The following ESRRB variants were observed in gnomAD, a reference collection of about 807,000 sequenced individuals.
ESRRB encodes steroid hormone receptor ERR2.
ESRRB carries 16 observed loss-of-function variants against 46.0 expected under a neutral mutation model. The observed-to-expected ratio is 0.35, with a 90% CI of 0.24 to 0.53. The LOEUF (loss-of-function observed/expected upper bound fraction) is 0.53, where lower values mean the gene tolerates loss of function less well. Among genes scored for constraint, ESRRB ranks in the 20% least tolerant of loss-of-function variants. The pLI, the probability that ESRRB is intolerant of heterozygous loss-of-function variation, is 0.93. For synonymous variants in ESRRB, 246 were observed against 259.6 expected (o/e 0.95, Z 0.50); for missense variants, 488 against 607.4 (o/e 0.80, Z 2.07).
intron 1 of ESRRB, among the ~76,000 whole-genome samples, chr14:76,355,935 C>G (rs1271031373): frequency 6.6e-6 from 1 of 152,228 alleles, no homozygotes; most frequent in Non-Finnish European, 1.5e-5. Context: ...TCAGATGACC[C>G]TCTTCCGCAA....
At chr14:76,456,609 G>A (rs539853569) in intron 2 of ESRRB, among the ~76,000 whole-genome samples, 3 of 152,266 alleles carry the variant, frequency 2.0e-5, no homozygotes, top group Non-Finnish European at 2.9e-5. Flanking sequence ...GTGGCTAGTC[G>A]TCCCTTTGAT....
At chr14:76,406,280 A>C (rs1886180796) in intron 1 of ESRRB, among the ~76,000 whole-genome samples, 1 of 151,938 alleles carries the variant, frequency 6.6e-6, no homozygotes, top group African/African-American at 2.4e-5. Context: ...AGGGTCTCTG[A>C]GGGTGGGAGG....
intron 3 of ESRRB, among the ~76,000 whole-genome samples, chr14:76,463,669 G>A (rs1200649798): frequency 1.3e-5 from 2 of 151,676 alleles, no homozygotes; most frequent in Non-Finnish European, 1.5e-5. Flanking sequence ...GGATGGTCTC[G>A]ATTTCCTGAC....
At chr14:76,401,829 T>C (rs1885958870) in intron 1 of ESRRB, among the ~76,000 whole-genome samples, 1 of 152,206 alleles carries the variant, frequency 6.6e-6, no homozygotes, top group African/African-American at 2.4e-5. Flanking sequence ...ACTGTGTGTG[T>C]ATATATCCTT....
intron 3 of ESRRB, among the ~76,000 whole-genome samples, chr14:76,469,928 TG>T (rs377575781): frequency 0.088 from 11,336 of 129,502 alleles, 1,079 homozygotes; most frequent in Middle Eastern, 0.14. Context: ...TGTTTTTTGT[TG>T]TTTTTTTTTT....
At chr14:76,469,514 C>T (rs1460382090) in intron 3 of ESRRB, among the ~76,000 whole-genome samples, 2 of 152,062 alleles carry the variant, frequency 1.3e-5, no homozygotes, top group African/African-American at 4.8e-5. Flanking sequence ...ATTATGAAGA[C>T]AAAATTAAAT....
At position 76,483,520 on chromosome 14, in the gene ESRRB, C is replaced by T. The variant is rs76797893; in HGVS notation, c.850+761C>T. On this transcript the variant is annotated intron_variant, in intron 5 of 6. Coordinates refer to ENST00000644823, the MANE Select transcript of ESRRB (RefSeq NM_001379180.1). ...TGGACTTCTCTTCGCTGTGTGTGGA[C>T]CCAAACCCTGCTTTCACCCTCTCTA... 7.4e-3 allele frequency among the ~76,000 whole-genome samples: 1,134 copies of T among 152,260 alleles called. 9 individuals carry two copies. The highest frequency in any genetic ancestry group is 0.026 in the African/African-American group (1,082 of 41,538).
At chr14:76,493,368 T>C (rs552875080) in intron 6 of ESRRB, among the ~76,000 whole-genome samples, 170 of 152,250 alleles carry the variant, frequency 1.1e-3, no homozygotes, top group Middle Eastern at 3.4e-3. Flanking sequence ...TTGCCCAGGC[T>C]GGTCTCAAAC....
intron 1 of ESRRB, among the ~76,000 whole-genome samples, chr14:76,358,509 G>A (rs966913133): frequency 6.6e-6 from 1 of 151,626 alleles, no homozygotes; most frequent in Non-Finnish European, 1.5e-5. Context: ...TTTTCTCATC[G>A]GCGTGCTGGG....
chr14:76,462,596 G>A lies in ESRRB; in HGVS notation c.512G>A (p.Arg171Gln), dbSNP rs759494353. 5.0e-6 allele frequency: 8 copies of A among 1,614,006 alleles called. No individual in the cohort carries two copies. The Admixed American group carries it at 5.0e-5, about 10-fold the overall frequency. ...PATNECEITK[R>Q]RRKSCQACRF... ...ACCAACGAGTGCGAGATCACCAAAC[G>A]GAGGCGCAAGTCCTGCCAGGCCTGC... Residue 171 changes from arginine to glutamine, a missense_variant, in exon 3 of 7, where the codon CGG becomes CAG. Transcript: ENST00000644823.
At chr14:76,340,508 C>T (rs533773648) in intron 1 of ESRRB, among the ~76,000 whole-genome samples, 13 of 152,278 alleles carry the variant, frequency 8.5e-5, no homozygotes, top group Non-Finnish European at 1.6e-4. Context: ...TCTCTGGGCT[C>T]GGTTGACTTC....
intron 2 of ESRRB, among the ~76,000 whole-genome samples, chr14:76,459,714 C>T (rs530225300): frequency 6.6e-6 from 1 of 152,252 alleles, no homozygotes; most frequent in South Asian, 2.1e-4. Flanking sequence ...CCCCAAGAAA[C>T]CACCCAAGCC....
intron 1 of ESRRB, among the ~76,000 whole-genome samples, chr14:76,318,905 A>G (rs1000153517): frequency 1.3e-5 from 2 of 152,166 alleles, no homozygotes; most frequent in Non-Finnish European, 2.9e-5. Flanking sequence ...CAATACCCCT[A>G]ATGTGCACAT....
chr14:76,365,538 G>C (rs543743595), intron 1 of ESRRB, among the ~76,000 whole-genome samples: 2 of 152,150 alleles, frequency 1.3e-5, no homozygotes, highest in Non-Finnish European at 2.9e-5. Context: ...TTGAACGCAG[G>C]GGTATGTAGT....
intron 2 of ESRRB, among the ~76,000 whole-genome samples, chr14:76,445,535 G>T (rs549206629): frequency 6.6e-6 from 1 of 151,506 alleles, no homozygotes; most frequent in South Asian, 2.1e-4. Flanking sequence ...TGTTAATCGT[G>T]TTACCTCACA....
chr14:76,371,745 C>T (rs779882252), upstream of ESRRB, among the ~76,000 whole-genome samples: 11 of 152,190 alleles, frequency 7.2e-5, no homozygotes, highest in Non-Finnish European at 1.0e-4. Flanking sequence ...GGCAGATTCT[C>T]CAAAAATGCC....
chr14:76,410,710 G>A (rs1055557532), intron 1 of ESRRB, among the ~76,000 whole-genome samples: 3 of 152,110 alleles, frequency 2.0e-5, no homozygotes, highest in African/African-American at 7.2e-5. Context: ...CAGAAAGAGA[G>A]GGGGCTGTTC....
rs1159670296 is a variant in ESRRB, at chr14:76,498,113, C to T, written c.1121-101C>T. The T allele has an allele frequency of 2.9e-6, 4 of 1,377,266 alleles. No individual in the cohort carries two copies. The African/African-American group carries it at 4.3e-5, about 15-fold the overall frequency. 85.3% of individuals were successfully genotyped at this position (1,377,266 alleles called of 1,614,324 possible). A position where few individuals can be genotyped will look rare whatever the true frequency, so the allele number is the denominator to read the frequency against. ...CTGTGAAGAGAGGGTTCTGAAGATA[C>T]CCCTGCCTGCCTCCATGCTGCCTCC... On this transcript the variant is annotated intron_variant, in intron 6 of 6. Transcript: ENST00000644823.
At chr14:76,350,936 C>CTGCCTGCTGTCTGCCT (rs1884306499) in intron 1 of ESRRB, among the ~76,000 whole-genome samples, 1 of 152,230 alleles carries the variant, frequency 6.6e-6, no homozygotes, top group Non-Finnish European at 1.5e-5. Context: ...CTGGGCACAC[C>CTGCCTGCTGTCTGCCT]TGCCTGCTGT....
Sources: allele counts gnomAD v4.1 joint callset (sites outside exome capture counted in the v4.1 genomes callset), GRCh38; gene constraint gnomAD v4.1.1; transcripts MANE v1.5; gene names NCBI Gene and HGNC (gene_info 2026-07-23, HGNC 2026-07-21).